Variants in PSMD11 observed in about 807,000 individuals in gnomAD.
PSMD11 encodes 26S proteasome non-ATPase regulatory subunit 11.
A neutral mutation model predicts 62.3 loss-of-function variants in PSMD11; 5 were observed. The observed-to-expected ratio is 0.08, with a 90% confidence interval of 0.04 to 0.17. The LOEUF is 0.17. Ranked by LOEUF, PSMD11 falls within the 10% of genes least tolerant of loss-of-function variation. The pLI is 1.00. For missense variants in PSMD11, 310 were observed against 512.9 expected (o/e 0.60, Z 3.82); for synonymous variants, 191 against 191.8 (o/e 1.00, Z 0.03).
At chr17:32,465,186 T>C (rs886627604) in intron 5 of PSMD11, among the ~76,000 whole-genome samples, 3 of 152,126 alleles carry the variant, frequency 2.0e-5, no homozygotes. Context: ...AGCAGTGTGA[T>C]CTCAGCTCGC....
intron 2 of PSMD11, among the ~76,000 whole-genome samples, chr17:32,451,431 C>CA (rs1184679839): frequency 1.3e-5 from 2 of 151,968 alleles, no homozygotes; most frequent in East Asian, 1.9e-4. Context: ...CTTTTATTAT[C>CA]AAAAAAATAG....
At chr17:32,478,247 G>C (rs1234602191) in intron 9 of PSMD11, among the ~76,000 whole-genome samples, 2 of 152,162 alleles carry the variant, frequency 1.3e-5, no homozygotes, top group Non-Finnish European at 2.9e-5. Context: ...ACAAAACCTA[G>C]ATCCAGAGAG....
In PSMD11 at chr17:32,454,566, G is replaced by T; in HGVS notation, c.265G>T (p.Val89Phe). 6.2e-7 allele frequency: 1 copy of T among 1,614,064 alleles called. No individual in the cohort carries two copies. The highest frequency in any genetic ancestry group is 8.5e-7 in the Non-Finnish European group (1 of 1,179,948). Residue 89 changes from valine to phenylalanine, a missense_variant, in exon 3 of 14, where the codon GTC (valine) becomes TTC (phenylalanine). Coordinates refer to ENST00000261712, the MANE Select transcript of PSMD11 (RefSeq NM_002815.4). ...SISKAKAARLVRSLLDLFLDM... is the reference protein window; with the variant it reads ...SISKAKAARLFRSLLDLFLDM... The stretch of plus-strand genomic sequence containing the variant: ...CAGCAAGGCTAAAGCAGCTCGCCTG[G>T]TCCGATCTCTTCTTGATCTGTTTCT...
chr17:32,464,227 C>T, intron 4 of PSMD11, 107 bp downstream of exon 4: 2 of 1,052,996 alleles, frequency 1.9e-6, no homozygotes, highest in South Asian at 1.3e-5. Context: ...TTGTAATTAC[C>T]TAGATACCGA....
intron 2 of PSMD11, among the ~76,000 whole-genome samples, chr17:32,449,708 G>T (rs181732108): frequency 6.6e-6 from 1 of 152,124 alleles, no homozygotes; most frequent in East Asian, 1.9e-4. Flanking sequence ...ATGAGTATAG[G>T]TATACACAAT....
At chr17:32,449,299 G>GGAGGCTGAGGTGGGAGGATTGCTT (rs1659956989) in intron 2 of PSMD11, among the ~76,000 whole-genome samples, 13 of 152,152 alleles carry the variant, frequency 8.5e-5, no homozygotes, top group Admixed American at 4.6e-4. Context: ...CAGCTACTCT[G>GGAGGCTGAGGTGGGAGGATTGCTT]GAGGCTGAGG....
intron 1 of PSMD11, chr17:32,446,042 A>G (rs978120054): frequency 2.0e-5 from 3 of 152,152 alleles, no homozygotes; most frequent in African/African-American, 4.8e-5. Context: ...TTTTTCTTTC[A>G]TAAAGTAGAA....
Position 32,481,326 on chromosome 17 carries a change from TGCC to T in PSMD11, c.*584_*586del. 6.2e-6 allele frequency: 1 copy of T among 160,308 alleles called. No individual in the cohort carries two copies. The highest frequency in any genetic ancestry group is 1.4e-5 in the Non-Finnish European group (1 of 72,356). 9.9% of individuals were successfully genotyped at this position (160,308 alleles called of 1,614,324 possible). A position where few individuals can be genotyped will look rare whatever the true frequency, so the allele number is the denominator to read the frequency against. ...GCTCCAGCAGAGTAGCCGAAGGTCC[TGCC>T]GCCGCCGCCACCACCACCACCACTG... On this transcript the variant is annotated 3_prime_UTR_variant, in exon 14 of 14. Transcript: ENST00000261712.
intron 1 of PSMD11, among the ~76,000 whole-genome samples, chr17:32,446,443 C>A (rs140504015): frequency 6.6e-6 from 1 of 152,130 alleles, no homozygotes; most frequent in Non-Finnish European, 1.5e-5. Flanking sequence ...TTATCCCTAA[C>A]ACACCCATCA....
chr17:32,472,961 G>A (rs973529536), intron 6 of PSMD11, among the ~76,000 whole-genome samples: 12 of 150,822 alleles, frequency 8.0e-5, no homozygotes, highest in Non-Finnish European at 1.5e-4. Flanking sequence ...TTCAAGACTA[G>A]CCTGGCGAAC....
In PSMD11 at chr17:32,464,533, T is replaced by A; in HGVS notation, c.403T>A (p.Ser135Thr). Residue 135 changes from serine to threonine, a missense_variant, in exon 5 of 14, where the codon TCT becomes ACT. Transcript: ENST00000261712. ...LRQALEARLV[S>T]LYFDTKRYQE... ...TTCTCTTTCCTAGGCAAGACTGGTGTCTTTGTACTTTGATACCAAGAGGTA... is the reference window on the plus strand; with the variant it reads ...TTCTCTTTCCTAGGCAAGACTGGTGACTTTGTACTTTGATACCAAGAGGTA... 6.2e-7 allele frequency: 1 copy of A among 1,608,382 alleles called. No homozygotes were observed.
intron 2 of PSMD11, 90 bp from the exon 3 acceptor site, chr17:32,454,405 G>A (rs561302627): frequency 5.8e-6 from 8 of 1,369,956 alleles, no homozygotes; most frequent in East Asian, 2.3e-5. Flanking sequence ...TGTAAGTACC[G>A]ATTTTTATGA....
intron 10 of PSMD11, 78 bp from the exon 11 acceptor site, chr17:32,479,773 C>T (rs1233633934): frequency 4.0e-6 from 6 of 1,496,126 alleles, no homozygotes; most frequent in South Asian, 1.1e-5. Context: ...CAGCAGTTCT[C>T]CCCCTGTTCC....
intron 8 of PSMD11, among the ~76,000 whole-genome samples, chr17:32,476,375 G>A (rs1908322165): frequency 1.3e-5 from 2 of 152,208 alleles, no homozygotes; most frequent in South Asian, 2.1e-4. Flanking sequence ...CTAATCAATG[G>A]TGGAGCTAGA....
At chr17:32,459,974 T>C (rs1270116215) in intron 3 of PSMD11, among the ~76,000 whole-genome samples, 3 of 152,058 alleles carry the variant, frequency 2.0e-5, no homozygotes, top group African/African-American at 4.8e-5. Context: ...TGGGAAAGAA[T>C]AGACAAGCAA....
intron 6 of PSMD11, among the ~76,000 whole-genome samples, chr17:32,472,043 T>A (rs2150837743): frequency 6.6e-6 from 1 of 152,224 alleles, no homozygotes; most frequent in Admixed American, 6.5e-5. Flanking sequence ...GCCTGGCTAA[T>A]TTTTTGTAGA....
intron 10 of PSMD11, 76 bp from the exon 11 acceptor site, chr17:32,479,775 C>T: frequency 6.6e-7 from 1 of 1,505,678 alleles, no homozygotes; most frequent in Non-Finnish European, 9.2e-7. Flanking sequence ...GCAGTTCTCC[C>T]CCTGTTCCCT....
At chr17:32,452,585 G>A (rs924982251) in intron 2 of PSMD11, among the ~76,000 whole-genome samples, 15 of 152,168 alleles carry the variant, frequency 9.9e-5, no homozygotes, top group African/African-American at 3.4e-4. Context: ...ATTCAGTTGC[G>A]ATAAGGATTA....
intron 5 of PSMD11, among the ~76,000 whole-genome samples, chr17:32,465,944 C>T (rs914193572): frequency 4.6e-5 from 7 of 152,062 alleles, no homozygotes; most frequent in Non-Finnish European, 1.0e-4. Flanking sequence ...CACTGTACTC[C>T]AGCCTGGGCA....
Sources: allele counts gnomAD v4.1 joint callset (sites outside exome capture counted in the v4.1 genomes callset), GRCh38; gene constraint gnomAD v4.1.1; transcripts MANE v1.5; gene names NCBI Gene and HGNC (gene_info 2026-07-23, HGNC 2026-07-21).